Variants in DNMT3A observed in about 807,000 individuals in gnomAD.
DNMT3A encodes the protein DNA (cytosine-5)-methyltransferase 3A.
Under a neutral mutation model 117.6 loss-of-function variants are expected in DNMT3A, and 267 were observed. That is an observed-to-expected ratio of 2.27 (90% CI 2.05 to 2.51). DNMT3A has a LOEUF of 2.51. Ranked by LOEUF, DNMT3A falls within the 30% of genes most tolerant of loss-of-function variation. DNMT3A has a pLI of 0.00. For synonymous variants in DNMT3A, 432 were observed against 474.8 expected (o/e 0.91, Z 1.17); for missense variants, 1,029 against 1,260.2 (o/e 0.82, Z 2.78).
At chr2:25,290,277 C>A (rs1288013927) in intron 3 of DNMT3A, among the ~76,000 whole-genome samples, 2 of 151,902 alleles carry the variant, frequency 1.3e-5, no homozygotes, top group Non-Finnish European at 2.9e-5. Flanking sequence ...GGAGCTGGGA[C>A]CACTGGCATG....
intron 1 of DNMT3A, among the ~76,000 whole-genome samples, chr2:25,326,237 A>G (rs1164456586): frequency 6.6e-6 from 1 of 151,720 alleles, no homozygotes; most frequent in African/African-American, 2.4e-5. Flanking sequence ...TTAGCTTTAT[A>G]ATGTAGTCTT....
chr2:25,313,011 C>T (rs778258116), intron 2 of DNMT3A, among the ~76,000 whole-genome samples: 3 of 152,214 alleles, frequency 2.0e-5, no homozygotes, highest in Non-Finnish European at 4.4e-5. Context: ...GCACAGCAGA[C>T]AGACATGCCA....
chr2:25,279,652 C>T (rs2149374442), intron 4 of DNMT3A, among the ~76,000 whole-genome samples: 1 of 152,236 alleles, frequency 6.6e-6, no homozygotes, highest in East Asian at 1.9e-4. Context: ...ATAGCTGGGA[C>T]CACACAGGAG....
chr2:25,331,938 C>A (rs2035029756), intron 1 of DNMT3A, among the ~76,000 whole-genome samples: 1 of 152,098 alleles, frequency 6.6e-6, no homozygotes, highest in East Asian at 1.9e-4. Flanking sequence ...GCATCCCCAC[C>A]CACACAGTTG....
At chr2:25,303,354 C>T (rs1246928896) in intron 2 of DNMT3A, among the ~76,000 whole-genome samples, 1 of 152,250 alleles carries the variant, frequency 6.6e-6, no homozygotes, top group Non-Finnish European at 1.5e-5. Context: ...GACAGGCCAC[C>T]CCTCTGCCAT....
At position 25,236,791 on chromosome 2, in the gene DNMT3A, C is replaced by T. The variant is rs1405605879; in HGVS notation, c.2478+145G>A. 4.9e-6 allele frequency: 4 copies of T among 814,142 alleles called. No individual in the cohort carries two copies. Among genetic ancestry groups the T allele is most frequent in the East Asian group, 6.0e-5 (2 of 33,574 alleles). The allele number at this position is 814,142 out of a possible 1,614,324, so 50.4% of individuals were successfully genotyped here. ...CCTGGGCCCTCCTCTGGCTGCCCTG[C>T]TGCATGACCCTGCACCGTCTCCTAA... On this transcript the variant is annotated intron_variant, in intron 21 of 22. Coordinates refer to ENST00000321117, the MANE Select transcript of DNMT3A (RefSeq NM_022552.5). The surrounding 1 kb of genome is among the most constrained non-coding windows in gnomAD (Gnocchi z 4.5).
Position 25,247,031 on chromosome 2 carries a change from C to A in DNMT3A, c.1122+20G>T. The A allele has an allele frequency of 6.2e-7, 1 of 1,610,880 alleles. No individual in the cohort carries two copies. The highest frequency in any genetic ancestry group is 8.5e-7 in the Non-Finnish European group (1 of 1,178,344). On this transcript the variant is annotated intron_variant, in intron 9 of 22. Transcript: ENST00000321117. The surrounding 1 kb of genome is among the most constrained non-coding windows in gnomAD (Gnocchi z 5.6). ...TAGTGCTCTAGGCTCCTCCTCCGAG[C>A]TCCCAGCAGGGACACTCACCTGCAG...
rs1006095562 is a variant in DNMT3A, at chr2:25,231,666, A to T, written c.*2613T>A. The T allele has an allele frequency of 6.7e-6, 1 of 150,132 alleles. No individual in the cohort carries two copies. The highest frequency in any genetic ancestry group is 1.5e-5 in the Non-Finnish European group (1 of 67,782). 9.3% of individuals were successfully genotyped at this position (150,132 alleles called of 1,614,324 possible). On this transcript the variant is annotated 3_prime_UTR_variant, in exon 23 of 23. Coordinates refer to ENST00000321117, the MANE Select transcript of DNMT3A (RefSeq NM_022552.5). ...TCAGTTGGGGAGAATAGGTAGGGGG[A>T]GTTGAGGGCTGACTTGACTGGTGCC...
chr2:25,235,786 T>C lies in DNMT3A; in HGVS notation c.2518A>G (p.Ile840Val). 6.2e-7 allele frequency: 1 copy of C among 1,614,216 alleles called. No homozygotes were observed. Among genetic ancestry groups the C allele is most frequent in the Non-Finnish European group, 8.5e-7 (1 of 1,180,032 alleles). Residue 840 changes from isoleucine (I) to valine (V), a missense_variant, in exon 22 of 23, where the codon ATA (isoleucine) becomes GTA (valine). Physicochemically the swap from Ile to Val is conservative, Grantham distance 29 (BLOSUM62 3). Coordinates refer to ENST00000321117, the MANE Select transcript of DNMT3A (RefSeq NM_022552.5). ...VRTITTRSNS[I>V]KQGKDQHFPV... ...AAATGCTGGTCTTTGCCCTGCTTTA[T>C]GGAGTTTGACCTCGTAGTAATGGTC...
intron 6 of DNMT3A, among the ~76,000 whole-genome samples, chr2:25,250,176 A>AC (rs1418244834): frequency 4.6e-5 from 7 of 152,072 alleles, no homozygotes; most frequent in African/African-American, 1.7e-4. Flanking sequence ...CTGTCAATGG[A>AC]CCCCCCAGAT....
At position 25,245,304 on chromosome 2, in the gene DNMT3A, AT is replaced by A; in HGVS notation, c.1502del (p.Asn501MetfsTer150). On this transcript the variant is annotated frameshift_variant, in exon 13 of 23. Transcript: ENST00000321117. LOFTEE classifies it high-confidence loss of function. ...EDICISCGSLNVTLEHPLFVG... is the reference protein window; with the variant it reads ...EDICISCGSLXVTLEHPLFVG... ...CGAAGAGGGGGTGTTCCAGGGTAAC[AT>A]TGAGGCTCCCACAGGAGATGCAGAT... 1 of 1,613,922 alleles carries A rather than the reference AT, an allele frequency of 6.2e-7. No individual in the cohort carries two copies. The highest frequency in any genetic ancestry group is 8.5e-7 in the Non-Finnish European group (1 of 1,179,954).
chr2:25,334,729 T>A (rs753806798), intron 1 of DNMT3A, among the ~76,000 whole-genome samples: 1 of 152,238 alleles, frequency 6.6e-6, no homozygotes, highest in Non-Finnish European at 1.5e-5. Flanking sequence ...CCTAGGCCTT[T>A]GCTCAGAGGC....
intron 3 of DNMT3A, among the ~76,000 whole-genome samples, chr2:25,295,108 T>G (rs1208881665): frequency 6.6e-6 from 1 of 152,156 alleles, no homozygotes; most frequent in Non-Finnish European, 1.5e-5. Flanking sequence ...GAACCACCCA[T>G]GAAGGACAAA....
At chr2:25,326,793 G>C (rs2034805528) in intron 1 of DNMT3A, among the ~76,000 whole-genome samples, 1 of 152,176 alleles carries the variant, frequency 6.6e-6, no homozygotes, top group Admixed American at 6.5e-5. Context: ...CTGCAGGAGT[G>C]CCAGGCTGTT....
At chr2:25,270,521 C>T (rs1052186562) in intron 6 of DNMT3A, among the ~76,000 whole-genome samples, 1 of 152,178 alleles carries the variant, frequency 6.6e-6, no homozygotes, top group Non-Finnish European at 1.5e-5. Flanking sequence ...CTGGCTGGCC[C>T]TTCAAGTGAT....
chr2:25,306,528 A>G lies in DNMT3A; in HGVS notation c.73-6285T>C, dbSNP rs1015596915. On this transcript the variant is annotated intron_variant, in intron 2 of 22. Transcript: ENST00000321117. This position sits in a 1 kb window ranked among gnomAD's most constrained non-coding sequence, Gnocchi z 4.1. ...CCACAGCTCCTGGGTACTTGCACAC[A>G]GAGGTGTTCCAGAAATGCTAAATAG... Among the ~76,000 whole-genome samples the G allele has an allele frequency of 1.3e-5, 2 of 152,178 alleles. No homozygotes were observed. The highest frequency in any genetic ancestry group is 2.9e-5 in the Non-Finnish European group (2 of 68,030).
At chr2:25,322,499 C>T (rs1416149045) in intron 1 of DNMT3A, among the ~76,000 whole-genome samples, 1 of 151,896 alleles carries the variant, frequency 6.6e-6, no homozygotes, top group Non-Finnish European at 1.5e-5. Context: ...ACATCATTCC[C>T]GCTGCGTCCA....
At chr2:25,292,662 C>T (rs1352047498) in intron 3 of DNMT3A, among the ~76,000 whole-genome samples, 2 of 152,172 alleles carry the variant, frequency 1.3e-5, no homozygotes, top group Non-Finnish European at 2.9e-5. Flanking sequence ...GAGTCCTAAT[C>T]TCTTTAGCCT....
chr2:25,277,106 C>T (rs2149369617), intron 4 of DNMT3A, among the ~76,000 whole-genome samples: 1 of 152,270 alleles, frequency 6.6e-6, no homozygotes, highest in Admixed American at 6.5e-5. Context: ...CGGGCTCAGC[C>T]CGCGGGGGCC....
Sources: allele counts gnomAD v4.1 joint callset (sites outside exome capture counted in the v4.1 genomes callset), GRCh38; gene constraint gnomAD v4.1.1; non-coding constraint Gnocchi (gnomAD v3.1); transcripts MANE v1.5; gene names NCBI Gene and HGNC (gene_info 2026-07-23, HGNC 2026-07-21).